Variants in GABRG3 observed in about 807,000 individuals in gnomAD.
GABRG3 encodes gamma-aminobutyric acid receptor subunit gamma-3.
A neutral mutation model predicts 48.8 loss-of-function variants in GABRG3; 25 were observed. The observed-to-expected ratio is 0.51, with a 90% CI of 0.37 to 0.72. The LOEUF (loss-of-function observed/expected upper bound fraction) is 0.72. GABRG3 is among the 30% of genes least tolerant of loss of function. The pLI, the probability that GABRG3 is intolerant of heterozygous loss-of-function variation, is 0.00. For synonymous variants in GABRG3, 227 were observed against 217.6 expected (o/e 1.04, Z -0.38); for missense variants, 394 against 577.9 (o/e 0.68, Z 3.26).
intron 3 of GABRG3, among the ~76,000 whole-genome samples, chr15:27,063,438 C>T (rs1049496800): frequency 3.3e-5 from 5 of 152,272 alleles, no homozygotes; most frequent in Middle Eastern, 3.4e-3. Context: ...ACGGCTTGGG[C>T]CATCCCCTTG....
chr15:27,220,995 T>TA (rs1405727174), intron 3 of GABRG3, among the ~76,000 whole-genome samples: 4 of 149,432 alleles, frequency 2.7e-5, no homozygotes, highest in African/African-American at 7.6e-5. Context: ...TTGCTTCTTT[T>TA]TTTTTTCTTT....
chr15:27,264,595 A>T (rs901392515), intron 3 of GABRG3, among the ~76,000 whole-genome samples: 21 of 141,184 alleles, frequency 1.5e-4, no homozygotes, highest in African/African-American at 5.6e-4. Context: ...AAAAATTTAT[A>T]AAAAACCCTC....
At position 27,536,845 on chromosome 15, in the gene GABRG3, G is replaced by A. The variant is rs893669280; in HGVS notation, c.*3964G>A. Reference sequence around the variant, plus strand: ...CAGCTCCCTATGACTAGGAAGCAATGAGCCACTCTATCTAAAGGGCTAGAA... The same window carrying A: ...CAGCTCCCTATGACTAGGAAGCAATAAGCCACTCTATCTAAAGGGCTAGAA... On this transcript the variant is annotated 3_prime_UTR_variant, in exon 10 of 10. Transcript: ENST00000615808. 3 of 152,138 alleles carry A rather than the reference G, an allele frequency of 2.0e-5. No individual in the cohort carries two copies. Among genetic ancestry groups the A allele is most frequent in the African/African-American group, 7.2e-5 (3 of 41,430 alleles). 9.4% of individuals were successfully genotyped at this position (152,138 alleles called of 1,614,324 possible).
chr15:27,444,899 T>G (rs934243617), intron 5 of GABRG3, among the ~76,000 whole-genome samples: 8 of 152,168 alleles, frequency 5.3e-5, no homozygotes, highest in Admixed American at 1.3e-4. Flanking sequence ...TTTTTTTTTT[T>G]GGGACAGAGT....
intron 3 of GABRG3, among the ~76,000 whole-genome samples, chr15:27,097,457 C>G (rs144502454): frequency 5.7e-4 from 86 of 152,024 alleles, no homozygotes; most frequent in African/African-American, 2.0e-3. Flanking sequence ...TTTTTACCTT[C>G]TCTCCTTCCC....
chr15:27,227,377 G>T (rs186843334), intron 3 of GABRG3, among the ~76,000 whole-genome samples: 2 of 151,778 alleles, frequency 1.3e-5, no homozygotes, highest in East Asian at 3.9e-4. Flanking sequence ...TGCACCTGTA[G>T]TCCTTTGTTA....
intron 5 of GABRG3, among the ~76,000 whole-genome samples, chr15:27,410,131 T>C (rs560373598): frequency 6.6e-6 from 1 of 152,320 alleles, no homozygotes; most frequent in East Asian, 1.9e-4. Context: ...TAAGTAGATA[T>C]TAAATTTGTC....
chr15:27,089,110 G>A (rs1006402149), intron 3 of GABRG3, among the ~76,000 whole-genome samples: 7 of 152,160 alleles, frequency 4.6e-5, no homozygotes, highest in African/African-American at 1.7e-4. Flanking sequence ...GATAAGAGCT[G>A]GGGCCATAGG....
At chr15:27,039,217 C>G (rs1242286315) in intron 3 of GABRG3, among the ~76,000 whole-genome samples, 1 of 152,196 alleles carries the variant, frequency 6.6e-6, no homozygotes, top group East Asian at 1.9e-4. Flanking sequence ...GTGGGGAATT[C>G]TTGCCAGACT....
chr15:27,104,792 C>A (rs1897421601), intron 3 of GABRG3, among the ~76,000 whole-genome samples: 1 of 152,200 alleles, frequency 6.6e-6, no homozygotes, highest in Non-Finnish European at 1.5e-5. Flanking sequence ...GGTAACAAAT[C>A]ATAGAATTTC....
chr15:27,526,084 T>C (rs1891270497), intron 7 of GABRG3, among the ~76,000 whole-genome samples: 1 of 152,234 alleles, frequency 6.6e-6, no homozygotes, highest in Admixed American at 6.5e-5. Context: ...GTGCCTGGCA[T>C]TCTATTTTCA....
intron 2 of GABRG3, among the ~76,000 whole-genome samples, chr15:27,006,300 C>G (rs941103010): frequency 1.3e-5 from 2 of 151,968 alleles, no homozygotes; most frequent in African/African-American, 4.8e-5. Flanking sequence ...CTCCTGGGTT[C>G]AAGCAATTCT....
chr15:27,228,412 T>C (rs1417374401), intron 3 of GABRG3, among the ~76,000 whole-genome samples: 1 of 152,244 alleles, frequency 6.6e-6, no homozygotes, highest in Non-Finnish European at 1.5e-5. Context: ...TTTTTATGGC[T>C]GCATAGTATT....
At chr15:27,011,160 C>T (rs2140666394) in intron 2 of GABRG3, among the ~76,000 whole-genome samples, 1 of 152,264 alleles carries the variant, frequency 6.6e-6, no homozygotes, top group African/African-American at 2.4e-5. Context: ...AGCCACTGTT[C>T]CCGGGCAAAC....
At chr15:27,514,638 T>C (rs780861645) in intron 6 of GABRG3, among the ~76,000 whole-genome samples, 1 of 152,220 alleles carries the variant, frequency 6.6e-6, no homozygotes, top group Non-Finnish European at 1.5e-5. Flanking sequence ...AGTTGATCCA[T>C]TAAGTGAAAC....
intron 3 of GABRG3, among the ~76,000 whole-genome samples, chr15:27,048,141 G>A (rs1030525785): frequency 2.6e-5 from 4 of 152,100 alleles, no homozygotes; most frequent in African/African-American, 9.7e-5. Context: ...AGGGGGGTGA[G>A]TACAGGGGCC....
At chr15:27,033,539 G>A (rs945594956) in intron 3 of GABRG3, among the ~76,000 whole-genome samples, 27 of 152,054 alleles carry the variant, frequency 1.8e-4, no homozygotes, top group South Asian at 8.3e-4. Context: ...TCAGGTTAGC[G>A]AATAAGAGGA....
At chr15:27,028,721 G>A (rs981659965) in intron 3 of GABRG3, among the ~76,000 whole-genome samples, 10 of 149,842 alleles carry the variant, frequency 6.7e-5, no homozygotes, top group Non-Finnish European at 1.3e-4. Flanking sequence ...CAGAAGAATC[G>A]CTTGAATCCA....
intron 6 of GABRG3, among the ~76,000 whole-genome samples, chr15:27,503,843 T>C (rs1890700432): frequency 6.6e-6 from 1 of 152,228 alleles, no homozygotes; most frequent in African/African-American, 2.4e-5. Context: ...TTTCATGAAT[T>C]TGGAAGCTCT....
Sources: allele counts gnomAD v4.1 joint callset (sites outside exome capture counted in the v4.1 genomes callset), GRCh38; gene constraint gnomAD v4.1.1; transcripts MANE v1.5; gene names NCBI Gene and HGNC (gene_info 2026-07-23, HGNC 2026-07-21).